Variants in TRAF2 observed in about 807,000 individuals in gnomAD.
TRAF2 encodes TNF receptor-associated factor 2.
A neutral mutation model predicts 55.6 loss-of-function variants in TRAF2; 6 were observed. The ratio of observed to expected loss-of-function variants is 0.11; its 90% CI spans 0.06 to 0.21. The LOEUF (loss-of-function observed/expected upper bound fraction) is 0.21. TRAF2 is among the 10% of genes least tolerant of loss of function. TRAF2 has a pLI of 1.00. For missense variants in TRAF2, 561 were observed against 684.5 expected, an observed-to-expected ratio of 0.82 and a Z score of 2.01; for synonymous variants, 329 against 276.3, an observed-to-expected ratio of 1.19 and a Z score of -1.89.
At chr9:136,884,285 G>A (rs976781570), upstream of TRAF2, among the ~76,000 whole-genome samples, 102 of 151,704 alleles carry the variant, frequency 6.7e-4, no homozygotes, top group Admixed American at 2.8e-3. Context: ...TCAGCCAGGC[G>A]CAGTGGCTCA....
chr9:136,911,080 C>T (rs1850092972), intron 6 of TRAF2, among the ~76,000 whole-genome samples: 1 of 152,184 alleles, frequency 6.6e-6, no homozygotes, highest in African/African-American at 2.4e-5. Flanking sequence ...TGTGTCAGCC[C>T]TTGTCTGTCC....
chr9:136,899,539 T>G, intron 2 of TRAF2, 55 bp from the exon 3 acceptor site: 1 of 1,545,850 alleles, frequency 6.5e-7, no homozygotes, highest in South Asian at 1.2e-5. Flanking sequence ...AAATGGTGTT[T>G]GTTTTTTGCA....
intron 1 of TRAF2, among the ~76,000 whole-genome samples, chr9:136,889,259 C>G (rs962868838): frequency 4.6e-5 from 7 of 151,142 alleles, no homozygotes; most frequent in African/African-American, 1.7e-4. Context: ...GCTCTGTCCC[C>G]CGGTGTGAGC....
intron 9 of TRAF2, among the ~76,000 whole-genome samples, chr9:136,923,282 C>T (rs1330924231): frequency 1.3e-5 from 2 of 152,138 alleles, no homozygotes; most frequent in Non-Finnish European, 1.5e-5. Flanking sequence ...TGCTCATCTT[C>T]TTAAGTTTTG....
intron 9 of TRAF2, 143 bp from the exon 10 acceptor site, chr9:136,923,708 GA>G (rs1268165363): frequency 4.9e-6 from 3 of 610,616 alleles, no homozygotes; most frequent in Admixed American, 3.9e-5. Context: ...TAGTTTGAGG[GA>G]AAAAAAACTT....
intron 4 of TRAF2, among the ~76,000 whole-genome samples, chr9:136,901,548 C>T (rs1849820494): frequency 6.6e-6 from 1 of 152,178 alleles, no homozygotes; most frequent in South Asian, 2.1e-4. Flanking sequence ...TAGGGGCCAC[C>T]CTTAGAGTCA....
chr9:136,886,263 A>G (rs1849443914), upstream of TRAF2: 1 of 387,796 alleles, frequency 2.6e-6, no homozygotes, highest in Non-Finnish European at 3.5e-6. Context: ...TTGAGGAAAA[A>G]GCAGAGGGCG....
intron 7 of TRAF2, 149 bp downstream of exon 7, chr9:136,916,764 C>T (rs959903967): frequency 2.6e-6 from 2 of 759,334 alleles, no homozygotes; most frequent in African/African-American, 1.8e-5. Context: ...TCCGAGTGTT[C>T]CCAGCTTGGT....
chr9:136,913,760 A>G (rs1408753488), intron 6 of TRAF2, among the ~76,000 whole-genome samples: 1 of 151,948 alleles, frequency 6.6e-6, no homozygotes, highest in African/African-American at 2.4e-5. Context: ...CTGTCTTATC[A>G]GTCAGAGCTG....
Position 136,900,485 on chromosome 9 carries a change from G to A in TRAF2, c.331G>A (p.Gly111Arg), listed in dbSNP as rs772816687. The A allele has an allele frequency of 2.5e-6, 4 of 1,613,882 alleles. No homozygotes were observed. Among genetic ancestry groups the A allele is most frequent in the South Asian group, 2.2e-5 (2 of 91,066 alleles). Residue 111 changes from glycine (G) to arginine (R), a missense_variant, in exon 4 of 11, where the codon GGA becomes AGA. Coordinates refer to ENST00000247668, the MANE Select transcript of TRAF2 (RefSeq NM_021138.4). ...ESLPAVCPSD[G>R]CTWKGTLKEY... ...CCTGCCGGCCGTCTGTCCCAGTGAT[G>A]GATGCACCTGGAAGGGGACCCTGAA...
chr9:136,902,617 A>T (rs1849847462), intron 4 of TRAF2, among the ~76,000 whole-genome samples: 1 of 152,044 alleles, frequency 6.6e-6, no homozygotes, highest in Non-Finnish European at 1.5e-5. Flanking sequence ...CCCTGAGAGG[A>T]GCCGGGTTTG....
In TRAF2 at chr9:136,920,397, C is replaced by G. The variant is rs746938953; in HGVS notation, c.842C>G (p.Thr281Ser). Reference protein sequence around the residue: ...RCESLEKKTATFENIVCVLNR... With the variant: ...RCESLEKKTASFENIVCVLNR... ...GAGAGCCTGGAGAAGAAGACGGCCA[C>G]TTTTGAGAACATTGTCTGCGTCCTG... is the stretch of plus-strand genomic sequence containing the variant. The change falls in exon 8 of 11, where the codon ACT becomes AGT. Residue 281 changes from threonine to serine, a missense_variant. Physicochemically the swap from Thr to Ser is moderately conservative, Grantham distance 58 (BLOSUM62 1). Coordinates refer to ENST00000247668, the MANE Select transcript of TRAF2 (RefSeq NM_021138.4). 3.1e-6 allele frequency: 5 copies of G among 1,614,168 alleles called. No individual in the cohort carries two copies. The highest frequency in any genetic ancestry group is 4.2e-6 in the Non-Finnish European group (5 of 1,180,028).
chr9:136,920,131 G>A (rs1850348538), intron 7 of TRAF2, 103 bp from the exon 8 acceptor site: 1 of 1,408,150 alleles, frequency 7.1e-7, no homozygotes, highest in Non-Finnish European at 9.4e-7. Flanking sequence ...TATGACCCTG[G>A]CCTGTCTCCT....
At position 136,926,075 on chromosome 9, in the gene TRAF2, C is replaced by T. The variant is rs1476809232; in HGVS notation, c.*174C>T. 2 of 831,918 alleles carry T rather than the reference C, an allele frequency of 2.4e-6. No individual in the cohort carries two copies. Among genetic ancestry groups the T allele is most frequent in the East Asian group, 2.4e-5 (1 of 40,856 alleles). 51.5% of individuals were successfully genotyped at this position (831,918 alleles called of 1,614,324 possible). ...CTGTCACGGGGGAAGGAGCCACCAGCCAGTCCTCAGATTTCAGAGACTGCG... is the reference window on the plus strand; with the variant it reads ...CTGTCACGGGGGAAGGAGCCACCAGTCAGTCCTCAGATTTCAGAGACTGCG... On this transcript the variant is annotated 3_prime_UTR_variant, in exon 11 of 11. Transcript: ENST00000247668.
chr9:136,884,106 G>A (rs542414681), upstream of TRAF2, among the ~76,000 whole-genome samples: 91 of 151,758 alleles, frequency 6.0e-4, no homozygotes, highest in Non-Finnish European at 9.4e-4. Flanking sequence ...GAGCCACCGC[G>A]CCCGGCCTTT....
chr9:136,918,225 GTT>G lies in TRAF2; in HGVS notation c.678+1612_678+1613del, dbSNP rs1182392869. Among the ~76,000 whole-genome samples, 73 of 86,484 alleles carry G rather than the reference GTT, an allele frequency of 8.4e-4. 1 individual carries two copies. Among genetic ancestry groups the G allele is most frequent in the African/African-American group, 3.7e-3 (73 of 19,602 alleles). 56.7% of individuals were successfully genotyped at this position (86,484 alleles called of 152,430 possible). ...TACTGTAATTTTTTTAGAGTGTTTT[GTT>G]TATATATATATATATATATATATAT... is the stretch of plus-strand genomic sequence containing the variant. On this transcript the variant is annotated intron_variant, in intron 7 of 10. Transcript: ENST00000247668.
chr9:136,926,527 TGCACA>T lies in TRAF2; in HGVS notation c.*634_*638del, dbSNP rs1850537235. 3 of 184,386 alleles carry T rather than the reference TGCACA, an allele frequency of 1.6e-5. No homozygotes were observed. The highest frequency in any genetic ancestry group is 5.3e-5 in the Admixed American group (1 of 18,796). The allele number at this position is 184,386 out of a possible 1,614,324, so 11.4% of individuals were successfully genotyped here. ...TCTGCTCAGACCACTGTGTGGGAGG[TGCACA>T]GCACAGCCTGCGGGTAAAGTGTGAG... On this transcript the variant is annotated 3_prime_UTR_variant, in exon 11 of 11. Transcript: ENST00000247668.
chr9:136,893,619 G>A (rs757695248), intron 1 of TRAF2, among the ~76,000 whole-genome samples: 1 of 152,244 alleles, frequency 6.6e-6, no homozygotes, highest in Non-Finnish European at 1.5e-5. Context: ...ATGTGCTTTC[G>A]TTGGTGAGCC....
chr9:136,886,467 A>AGCGGCGGCGGCGGCGGC (rs767729711), upstream of TRAF2: 2 of 1,002,566 alleles, frequency 2.0e-6, no homozygotes, highest in Non-Finnish European at 2.4e-6. Context: ...CACGCGGCGG[A>AGCGGCGGCGGCGGCGGC]GCGGCGGCGG....
Sources: gnomAD v4.1 joint callset for allele counts (sites outside exome capture counted in the v4.1 genomes callset) on GRCh38, gnomAD v4.1.1 for gene constraint, MANE v1.5 for transcripts, NCBI Gene and HGNC (gene_info 2026-07-23, HGNC 2026-07-21) for gene names.